Variants in TAF5L observed in about 807,000 individuals in gnomAD.
TAF5L encodes TATA-box binding protein associated factor 5 like.
In TAF5L, 7 loss-of-function variants were observed where a neutral mutation model predicts 51.3. The observed-to-expected ratio is 0.14, with a 90% CI of 0.08 to 0.26. The LOEUF (loss-of-function observed/expected upper bound fraction) is 0.26, where lower values mean the gene tolerates loss of function less well. Among genes scored for constraint, TAF5L ranks in the 10% least tolerant of loss-of-function variants. TAF5L has a pLI of 1.00. For synonymous variants in TAF5L, 291 were observed against 308.1 expected (o/e 0.94, Z 0.58); for missense variants, 575 against 758.9 (o/e 0.76, Z 2.85).
intron 2 of TAF5L, among the ~76,000 whole-genome samples, chr1:229,611,646 T>C (rs1211040712): frequency 1.3e-5 from 2 of 152,128 alleles, no homozygotes; most frequent in Non-Finnish European, 2.9e-5. Context: ...ATTCCTAAAA[T>C]ATATCCTCTC....
chr1:229,614,979 T>A (rs543769368), intron 1 of TAF5L, among the ~76,000 whole-genome samples: 1 of 152,318 alleles, frequency 6.6e-6, no homozygotes, highest in Admixed American at 6.5e-5. Context: ...AGCATGAAGT[T>A]AACAATGGTG....
At chr1:229,615,085 T>TTTTA (rs901366388) in intron 1 of TAF5L, among the ~76,000 whole-genome samples, 6 of 152,170 alleles carry the variant, frequency 3.9e-5, no homozygotes, top group South Asian at 2.1e-4. Flanking sequence ...TTTTATTTCA[T>TTTTA]TTTATTTATT....
At chr1:229,595,012 G>A (rs973230338) in exon 5 of TAF5L, 8 of 1,614,168 alleles carry the variant, frequency 5.0e-6, no homozygotes, top group Admixed American at 3.3e-5. Flanking sequence ...TGAGCTGTCC[G>A]CGAGGAACCT....
intron 1 of TAF5L, among the ~76,000 whole-genome samples, chr1:229,622,021 CTAT>C (rs1665219721): frequency 5.0e-3 from 15 of 2,998 alleles, no homozygotes; most frequent in African/African-American, 6.7e-3. Context: ...TCATCATCAT[CTAT>C]CTATCTATCT....
At chr1:229,614,104 A>C (rs1004572080) in intron 2 of TAF5L, 1 of 673,842 alleles carries the variant, frequency 1.5e-6, no homozygotes, top group Non-Finnish European at 2.6e-6. Flanking sequence ...TGAGGAAGGA[A>C]ATGACTTTAG....
intron 1 of TAF5L, among the ~76,000 whole-genome samples, chr1:229,623,344 G>A (rs886900220): frequency 1.3e-5 from 2 of 152,220 alleles, no homozygotes; most frequent in Non-Finnish European, 2.9e-5. Flanking sequence ...GAAAAATTGA[G>A]TGTCTACTGT....
At chr1:229,624,251 G>A (rs1056103539) in intron 1 of TAF5L, among the ~76,000 whole-genome samples, 1 of 152,174 alleles carries the variant, frequency 6.6e-6, no homozygotes, top group African/African-American at 2.4e-5. Flanking sequence ...ACAGGCAGGA[G>A]CAACAAAACT....
In TAF5L at chr1:229,602,629, G is replaced by C. The variant is rs2102745349; in HGVS notation, c.538C>G (p.Gln180Glu). 2 of 1,614,154 alleles carry C rather than the reference G, an allele frequency of 1.2e-6. No individual in the cohort carries two copies. The highest frequency in any genetic ancestry group is 4.5e-5 in the East Asian group (2 of 44,888). ...CACAGGGCAGTATTGTTGTCACTTT[G>C]GAGGTAGCGGATAAGGTAGTTGTAG... The change falls in exon 4 of 5, where the codon CAA becomes GAA. Residue 180 changes from glutamine (Q) to glutamate (E), a missense_variant. Transcript: ENST00000258281. This position sits in a 1 kb window ranked among gnomAD's most constrained non-coding sequence, Gnocchi z 4.6.
At chr1:229,607,040 T>A (rs1458840131) in intron 3 of TAF5L, 1 of 985,320 alleles carries the variant, frequency 1.0e-6, no homozygotes, top group Non-Finnish European at 1.2e-6. Flanking sequence ...TTCTCCTAAA[T>A]CCTAGCCTCA....
intron 3 of TAF5L, among the ~76,000 whole-genome samples, chr1:229,609,757 T>G (rs1664722233): frequency 6.6e-6 from 1 of 152,230 alleles, no homozygotes; most frequent in South Asian, 2.1e-4. Context: ...TTTTTACTTA[T>G]TCAATACAAG....
rs1225490261 is a variant in TAF5L at position 229,602,270 on chromosome 1, G to A, written c.897C>T (p.Ser299=). 14 of 1,614,014 alleles carry A rather than the reference G, an allele frequency of 8.7e-6. No homozygotes were observed. The highest frequency in any genetic ancestry group is 1.1e-5 in the Non-Finnish European group (13 of 1,180,030). Residue 299 remains serine (S), a synonymous_variant, in exon 4 of 5, where the codon TCC becomes TCT. Transcript: ENST00000258281. This position sits in a 1 kb window ranked among gnomAD's most constrained non-coding sequence, Gnocchi z 4.6. Reference sequence around the variant, plus strand: ...GGTGGGGCTCTGATTTTAACTTCTTGGATCGTAAACTCCAAAGTTTTATAC... The same window carrying A: ...GGTGGGGCTCTGATTTTAACTTCTTAGATCGTAAACTCCAAAGTTTTATAC...
At chr1:229,623,007 T>C (rs1665272408) in intron 1 of TAF5L, among the ~76,000 whole-genome samples, 1 of 152,214 alleles carries the variant, frequency 6.6e-6, no homozygotes, top group South Asian at 2.1e-4. Flanking sequence ...CCGGGCACGG[T>C]GGCTCGGGCC....
At chr1:229,617,220 T>A (rs1665037318) in intron 1 of TAF5L, among the ~76,000 whole-genome samples, 1 of 152,116 alleles carries the variant, frequency 6.6e-6, no homozygotes, top group African/African-American at 2.4e-5. Flanking sequence ...ATCCCATGAG[T>A]GTGTGGATAT....
At chr1:229,616,375 T>TTTATTTATTTATTTATTATTA (rs1553271735) in intron 1 of TAF5L, among the ~76,000 whole-genome samples, 12 of 148,310 alleles carry the variant, frequency 8.1e-5, no homozygotes, top group Admixed American at 1.3e-4. Flanking sequence ...TTTATTTATA[T>TTTATTTATTTATTTATTATTA]TTTTTTTTTT....
chr1:229,597,801 T>A (rs1327877019), intron 4 of TAF5L, among the ~76,000 whole-genome samples: 1 of 152,194 alleles, frequency 6.6e-6, no homozygotes, highest in Non-Finnish European at 1.5e-5. Flanking sequence ...AGATCAAGTA[T>A]CATCTCATGC....
At position 229,625,253 on chromosome 1, in the gene TAF5L, G is replaced by A. The variant is rs539323732; in HGVS notation, c.-4+632C>T. Among the ~76,000 whole-genome samples, 4 of 152,296 alleles carry A rather than the reference G, an allele frequency of 2.6e-5. No individual in the cohort carries two copies. The highest frequency in any genetic ancestry group is 2.1e-4 in the South Asian group (1 of 4,822). On this transcript the variant is annotated intron_variant, in intron 1 of 4. Coordinates refer to ENST00000258281, the Ensembl canonical transcript of TAF5L. The surrounding 1 kb of genome is among the most constrained non-coding windows in gnomAD (Gnocchi z 4.0). ...CAAAAGCCTGGCAGCTTCGCGAGCT[G>A]GAGGTGGTGAACCCGTCCCACACCA...
chr1:229,610,239 G>GA, intron 2 of TAF5L, 29 bp from the exon 3 acceptor site: 4 of 1,605,216 alleles, frequency 2.5e-6, no homozygotes, highest in Non-Finnish European at 3.4e-6. Flanking sequence ...ACAAGTCAGG[G>GA]CGGGAAACAG....
intron 2 of TAF5L, 165 bp downstream of exon 2, chr1:229,614,176 G>A: frequency 9.2e-7 from 1 of 1,083,976 alleles, no homozygotes; most frequent in Non-Finnish European, 1.4e-6. Flanking sequence ...ATGACAGACA[G>A]GGTCTCTGAG....
intron 1 of TAF5L, among the ~76,000 whole-genome samples, chr1:229,619,101 G>C (rs1665113429): frequency 6.6e-6 from 1 of 152,086 alleles, no homozygotes; most frequent in Non-Finnish European, 1.5e-5. Flanking sequence ...GTGTCTACTA[G>C]GTAACTCAAG....
Sources: gnomAD v4.1 joint callset for allele counts (sites outside exome capture counted in the v4.1 genomes callset) on GRCh38, gnomAD v4.1.1 for gene constraint, Gnocchi (gnomAD v3.1) non-coding constraint, MANE v1.5 for transcripts, NCBI Gene and HGNC (gene_info 2026-07-23, HGNC 2026-07-21) for gene names.